Variants in TTYH3 observed in about 807,000 individuals in gnomAD.
The protein encoded by TTYH3 is tweety family member 3, also known as protein tweety homolog 3.
TTYH3 carries 23 observed loss-of-function variants against 68.2 expected under a neutral mutation model. That is an observed-to-expected ratio of 0.34 (90% confidence interval 0.24 to 0.48). The LOEUF (loss-of-function observed/expected upper bound fraction) is 0.48, where lower values mean the gene tolerates loss of function less well. Ranked by LOEUF, TTYH3 falls within the 20% of genes least tolerant of loss-of-function variation. TTYH3 has a pLI of 0.99. For synonymous variants in TTYH3, 360 were observed against 332.8 expected, an observed-to-expected ratio of 1.08 and a Z score of -0.89; for missense variants, 768 against 727.7, an observed-to-expected ratio of 1.06 and a Z score of -0.64.
Position 2,661,656 on chromosome 7 carries a change from G to A in TTYH3, c.1501-12G>A. The A allele has an allele frequency of 1.2e-6, 2 of 1,611,638 alleles. No individual in the cohort carries two copies. Among genetic ancestry groups the A allele is most frequent in the Admixed American group, 1.7e-5 (1 of 59,856 alleles). ...GGGGCCCTGCTGATGCCTCCCCCTT[G>A]TCTCCCTCCAGTACACCTCCAGCAT... On this transcript the variant is annotated splice_polypyrimidine_tract_variant and intron_variant, in intron 13 of 13. Coordinates refer to ENST00000258796, the MANE Select transcript of TTYH3 (RefSeq NM_025250.3).
chr7:2,650,455 G>A (rs1198346275), intron 7 of TTYH3, among the ~76,000 whole-genome samples: 1 of 152,114 alleles, frequency 6.6e-6, no homozygotes, highest in Non-Finnish European at 1.5e-5. Context: ...GTGGGTGCCT[G>A]TAATCCCAGC....
chr7:2,640,083 C>G (rs901959453), intron 1 of TTYH3, among the ~76,000 whole-genome samples: 2 of 152,232 alleles, frequency 1.3e-5, no homozygotes, highest in African/African-American at 2.4e-5. Context: ...GACACGGGCC[C>G]TATGTCTTCG....
rs904523731 is a variant in TTYH3, at chr7:2,661,956, C to T, written c.*217C>T. The T allele has an allele frequency of 2.5e-5, 15 of 610,568 alleles. No homozygotes were observed. The highest frequency in any genetic ancestry group is 5.6e-5 in the African/African-American group (3 of 54,054). The allele number at this position is 610,568 out of a possible 1,614,324, so 37.8% of individuals were successfully genotyped here. ...ACCGCCAACTCGGGTCACACCTGAACGCTGCTGCCAGCCGATGCCCCAGCC... is the reference window on the plus strand; with the variant it reads ...ACCGCCAACTCGGGTCACACCTGAATGCTGCTGCCAGCCGATGCCCCAGCC... On this transcript the variant is annotated 3_prime_UTR_variant, in exon 14 of 14. Transcript: ENST00000258796.
At chr7:2,653,268 A>G (rs1223142085) in intron 9 of TTYH3, among the ~76,000 whole-genome samples, 1 of 152,136 alleles carries the variant, frequency 6.6e-6, no homozygotes, top group African/African-American at 2.4e-5. Context: ...GGTTTTAAAA[A>G]TCATTTCTTT....
chr7:2,643,947 A>C (rs1025863446), intron 1 of TTYH3, among the ~76,000 whole-genome samples: 1 of 152,102 alleles, frequency 6.6e-6, no homozygotes, highest in African/African-American at 2.4e-5. Context: ...GCCCTCCTAG[A>C]GTCATGTCCC....
intron 6 of TTYH3, 55 bp from the exon 7 acceptor site, chr7:2,649,858 C>A: frequency 1.3e-6 from 2 of 1,599,238 alleles, no homozygotes; most frequent in Non-Finnish European, 8.6e-7. Flanking sequence ...CCCCCGAGAG[C>A]TTCCCTTTAG....
intron 13 of TTYH3, among the ~76,000 whole-genome samples, chr7:2,661,380 A>T (rs1224470418): frequency 6.6e-6 from 1 of 152,090 alleles, no homozygotes; most frequent in Non-Finnish European, 1.5e-5. Context: ...TGGTGTGGGC[A>T]TGGGAGGCTG....
chr7:2,636,836 G>A (rs1279094643), intron 1 of TTYH3, among the ~76,000 whole-genome samples: 3 of 152,092 alleles, frequency 2.0e-5, no homozygotes, highest in African/African-American at 4.8e-5. Flanking sequence ...TGGCCCGGCC[G>A]CTGCCCGCAT....
chr7:2,633,441 C>T (rs1583551073), intron 1 of TTYH3, among the ~76,000 whole-genome samples: 2 of 152,216 alleles, frequency 1.3e-5, no homozygotes, highest in South Asian at 2.1e-4. Flanking sequence ...GCACCCAGGC[C>T]CCCCAGCCGA....
chr7:2,652,534 G>A (rs1364069213), intron 8 of TTYH3, among the ~76,000 whole-genome samples: 1 of 152,212 alleles, frequency 6.6e-6, no homozygotes, highest in Non-Finnish European at 1.5e-5. Context: ...AGGAGCCCCA[G>A]GGATGCCTCT....
intron 1 of TTYH3, among the ~76,000 whole-genome samples, chr7:2,635,018 G>T (rs182929194): frequency 6.6e-6 from 1 of 152,106 alleles, no homozygotes; most frequent in East Asian, 1.9e-4. Context: ...ATCTGGGGTC[G>T]GCTCTGTGCA....
chr7:2,661,015 G>A (rs1351757501), intron 13 of TTYH3, among the ~76,000 whole-genome samples: 1 of 152,202 alleles, frequency 6.6e-6, no homozygotes, highest in African/African-American at 2.4e-5. Context: ...AGCGCCCCCT[G>A]CAGCCGCCTC....
chr7:2,649,671 G>A (rs1786107079), intron 6 of TTYH3, 32 bp downstream of exon 6: 2 of 1,579,552 alleles, frequency 1.3e-6, no homozygotes, highest in Non-Finnish European at 1.7e-6. Context: ...GTCCCCGGCT[G>A]CTGGACCTGG....
At chr7:2,650,510 G>A (rs1388019573) in intron 7 of TTYH3, among the ~76,000 whole-genome samples, 1 of 152,142 alleles carries the variant, frequency 6.6e-6, no homozygotes, top group Non-Finnish European at 1.5e-5. Flanking sequence ...CCCAGGAGGT[G>A]GAGGTTGCAA....
At chr7:2,659,982 C>T (rs753783391) in intron 13 of TTYH3, 2 of 1,304,022 alleles carry the variant, frequency 1.5e-6, no homozygotes, top group Non-Finnish European at 2.0e-6. Flanking sequence ...CGCGGGCTGG[C>T]AGTTTAAGCC....
In TTYH3 at chr7:2,661,362, A is replaced by G. The variant is rs553020044; in HGVS notation, c.1501-306A>G. Among the ~76,000 whole-genome samples the G allele has an allele frequency of 9.2e-5, 14 of 152,208 alleles. No individual in the cohort carries two copies. The South Asian group carries it at 2.5e-3, about 27-fold the overall frequency. On this transcript the variant is annotated intron_variant, in intron 13 of 13. Transcript: ENST00000258796. ...AGAACTCTGCCTGGCCCAATGCCCA[A>G]ATGCCGCTGGTGTGGGCATGGGAGG...
intron 11 of TTYH3, 23 bp downstream of exon 11, chr7:2,656,557 A>G (rs1786341948): frequency 1.3e-6 from 2 of 1,593,106 alleles, no homozygotes; most frequent in African/African-American, 1.3e-5. Flanking sequence ...GGGGGGTCGC[A>G]GGAGCTTGCC....
chr7:2,642,199 A>T (rs1308839322), intron 1 of TTYH3, among the ~76,000 whole-genome samples: 1 of 152,216 alleles, frequency 6.6e-6, no homozygotes, highest in East Asian at 1.9e-4. Context: ...GTTCAAGACC[A>T]GCCTGGGCAA....
In TTYH3 at chr7:2,645,240, C is replaced by G. The variant is rs746242123; in HGVS notation, c.124-1613C>G. ...GGAAGTGTGTGGAGGTTCTGGAGGGCTGAGCCGGGGGCAGGGCTATGCTGA... is the reference window on the plus strand; with the variant it reads ...GGAAGTGTGTGGAGGTTCTGGAGGGGTGAGCCGGGGGCAGGGCTATGCTGA... On this transcript the variant is annotated intron_variant, in intron 1 of 13. Transcript: ENST00000258796. The surrounding 1 kb of genome is among the most constrained non-coding windows in gnomAD (Gnocchi z 4.8). 8.5e-5 allele frequency among the ~76,000 whole-genome samples: 13 copies of G among 152,202 alleles called. No homozygotes were observed. The highest frequency in any genetic ancestry group is 1.9e-4 in the Non-Finnish European group (13 of 68,024).
Sources: allele counts gnomAD v4.1 joint callset (sites outside exome capture counted in the v4.1 genomes callset), GRCh38; gene constraint gnomAD v4.1.1; non-coding constraint Gnocchi (gnomAD v3.1); transcripts MANE v1.5; gene names NCBI Gene and HGNC (gene_info 2026-07-23, HGNC 2026-07-21).